The following FKBP15 variants were observed in gnomAD, a reference collection of about 807,000 sequenced individuals.
FKBP15 encodes the protein FK506-binding protein 15.
FKBP15 carries 106 observed loss-of-function variants against 158.1 expected under a neutral mutation model. That is an observed-to-expected ratio of 0.67 (90% CI 0.57 to 0.79). FKBP15 has a LOEUF of 0.79. Ranked by LOEUF, FKBP15 falls within the 30% of genes least tolerant of loss-of-function variation. The pLI is 0.00. For missense variants in FKBP15, 1,287 were observed against 1,479.1 expected (o/e 0.87, Z 2.13); for synonymous variants, 547 against 548.6 (o/e 1.00, Z 0.04).
intron 2 of FKBP15, among the ~76,000 whole-genome samples, chr9:113,207,936 C>T (rs895131559): frequency 6.6e-6 from 1 of 152,160 alleles, no homozygotes; most frequent in African/African-American, 2.4e-5. Context: ...TTTCTCCTTC[C>T]AGTATTTTGA....
intron 24 of FKBP15, 36 bp downstream of exon 24, chr9:113,171,545 T>A: frequency 6.3e-7 from 1 of 1,596,990 alleles, no homozygotes; most frequent in Non-Finnish European, 8.5e-7. Flanking sequence ...ATGCTTGATA[T>A]AAATGGCTTG....
At chr9:113,206,710 AAATTTTTTT>A in intron 3 of FKBP15, 132 bp from the exon 4 acceptor site, 2 of 526,736 alleles carry the variant, frequency 3.8e-6, no homozygotes, top group Non-Finnish European at 6.4e-6. Context: ...GAGCGGTTTA[AAATTTTTTT>A]TTTTTTTTTT....
At chr9:113,201,352 C>T (rs886863123) in intron 6 of FKBP15, among the ~76,000 whole-genome samples, 2 of 152,114 alleles carry the variant, frequency 1.3e-5, no homozygotes, top group Non-Finnish European at 2.9e-5. Context: ...ATGCTCACCA[C>T]GGTATCATTT....
rs1453496190 is a variant in FKBP15 at position 113,164,244 on chromosome 9, C to CCTGT, written c.*1830_*1833dup. ...TAGAACTGGTAGTACTCTTTATAAG[C>CCTGT]CTGTCTGAGGACAGAGTCCATCCAT... is the stretch of plus-strand genomic sequence containing the variant. On this transcript the variant is annotated 3_prime_UTR_variant, in exon 28 of 28. Coordinates refer to ENST00000238256, the MANE Select transcript of FKBP15 (RefSeq NM_015258.2). 6.6e-6 allele frequency: 1 copy of CCTGT among 151,836 alleles called. No homozygotes were observed. Among genetic ancestry groups the CCTGT allele is most frequent in the African/African-American group, 2.4e-5 (1 of 41,330 alleles). 9.4% of individuals were successfully genotyped at this position (151,836 alleles called of 1,614,324 possible).
rs75624182 is a variant in FKBP15 at position 113,166,116 on chromosome 9, C to T, written c.3622G>A (p.Asp1208Asn). ...GRPPPTPLFG[D>N]DDDDDDIDWL... Reference sequence around the variant, plus strand: ...TCAATGTCATCGTCATCATCATCATCTCCAAAAAGGGGCGTTGGGGGCGGG... The same window carrying T: ...TCAATGTCATCGTCATCATCATCATTTCCAAAAAGGGGCGTTGGGGGCGGG... Residue 1208 changes from aspartate to asparagine, a missense_variant, in exon 28 of 28, where the codon GAT becomes AAT. By Grantham distance (23) the Asp-to-Asn change is conservative (BLOSUM62 1). Coordinates refer to ENST00000238256, the MANE Select transcript of FKBP15 (RefSeq NM_015258.2). 434 of 1,613,762 alleles carry T rather than the reference C, an allele frequency of 2.7e-4. No individual in the cohort carries two copies. The highest frequency in any genetic ancestry group is 3.6e-4 in the Non-Finnish European group (423 of 1,179,804).
At chr9:113,212,378 G>A (rs1379612532) in intron 1 of FKBP15, among the ~76,000 whole-genome samples, 6 of 151,860 alleles carry the variant, frequency 4.0e-5, no homozygotes, top group Admixed American at 6.6e-5. Context: ...TAGTAGAGAC[G>A]GGGTTTCACC....
rs190341689 is a variant in FKBP15 at position 113,206,188 on chromosome 9, A to G, written c.324+321T>C. On this transcript the variant is annotated intron_variant, in intron 4 of 27. Transcript: ENST00000238256. Reference sequence around the variant, plus strand: ...TATATACATATGTATGTGTATATATATGTGTGTATTTGTGTATGTGTGTGT... The same window carrying G: ...TATATACATATGTATGTGTATATATGTGTGTGTATTTGTGTATGTGTGTGT... The G allele has an allele frequency of 9.6e-4, 336 of 350,550 alleles. 2 individuals are homozygous for G. Among genetic ancestry groups the G allele is most frequent in the South Asian group, 3.0e-3 (75 of 24,690 alleles). 21.7% of individuals were successfully genotyped at this position (350,550 alleles called of 1,614,324 possible). A position where few individuals can be genotyped will look rare whatever the true frequency, so the allele number is the denominator to read the frequency against.
chr9:113,193,246 A>G (rs16926672), intron 11 of FKBP15, among the ~76,000 whole-genome samples: 2,454 of 152,332 alleles, frequency 0.016, 75 homozygotes, highest in African/African-American at 0.056. Context: ...GATTTAGCCT[A>G]GAAACTTTTT....
At chr9:113,194,446 A>T (rs45438291) in intron 9 of FKBP15, among the ~76,000 whole-genome samples, 48,937 of 148,498 alleles carry the variant, frequency 0.33, 8,394 homozygotes, top group African/African-American at 0.38. Context: ...AATAATAAAT[A>T]AATTAAAAAA....
At chr9:113,166,633 G>C (rs763802603) in intron 27 of FKBP15, among the ~76,000 whole-genome samples, 41 of 152,208 alleles carry the variant, frequency 2.7e-4, no homozygotes, top group Non-Finnish European at 7.3e-5. Flanking sequence ...CTGGCTCTGG[G>C]TGTGATCCCA....
At chr9:113,218,261 C>A (rs879200363) in intron 1 of FKBP15, among the ~76,000 whole-genome samples, 8 of 151,878 alleles carry the variant, frequency 5.3e-5, no homozygotes, top group Admixed American at 3.3e-4. Flanking sequence ...GATTTCAGAT[C>A]CAGGCTCTAT....
At chr9:113,221,077 C>T in intron 1 of FKBP15, 114 bp downstream of exon 1, 3 of 1,174,816 alleles carry the variant, frequency 2.6e-6, no homozygotes, top group Non-Finnish European at 3.5e-6. Context: ...CGGAATGTGG[C>T]AAGGGTCTCC....
Position 113,201,004 on chromosome 9 carries a change from A to G in FKBP15, c.499-1041T>C, listed in dbSNP as rs951084666. On this transcript the variant is annotated intron_variant, in intron 6 of 27. Transcript: ENST00000238256. ...GGTTGCAGTGAGCCGAGATGGCACC[A>G]CTGCACTCCAGCCTGGCGACAGAGC... is the stretch of plus-strand genomic sequence containing the variant. 3.6e-4 allele frequency among the ~76,000 whole-genome samples: 54 copies of G among 149,174 alleles called. 1 individual carries two copies. The highest frequency in any genetic ancestry group is 6.8e-5 in the Admixed American group (1 of 14,790).
intron 14 of FKBP15, chr9:113,186,675 G>A (rs929439045): frequency 5.0e-5 from 11 of 218,346 alleles, no homozygotes; most frequent in African/African-American, 2.2e-4. Flanking sequence ...TATTGTCTAA[G>A]AAGTTTTTAG....
At chr9:113,179,330 T>C (rs573882972) in intron 19 of FKBP15, among the ~76,000 whole-genome samples, 103 of 152,322 alleles carry the variant, frequency 6.8e-4, no homozygotes, top group African/African-American at 2.2e-4. Context: ...ATCGGTTTTA[T>C]AGATTGCATT....
chr9:113,168,871 T>C (rs1395279759), intron 26 of FKBP15, among the ~76,000 whole-genome samples: 2 of 152,226 alleles, frequency 1.3e-5, no homozygotes, highest in Admixed American at 6.5e-5. Context: ...AAAGGACTTA[T>C]CATACTTTAT....
At chr9:113,213,472 G>C (rs955673354) in intron 1 of FKBP15, among the ~76,000 whole-genome samples, 1 of 151,922 alleles carries the variant, frequency 6.6e-6, no homozygotes, top group African/African-American at 2.4e-5. Context: ...GGCTTGAGAG[G>C]CTGAGGCAGG....
At chr9:113,208,365 G>A (rs1255685688) in intron 2 of FKBP15, among the ~76,000 whole-genome samples, 2 of 151,874 alleles carry the variant, frequency 1.3e-5, no homozygotes, top group African/African-American at 4.8e-5. Flanking sequence ...ACAAAAAAAA[G>A]GGACTACAGA....
At chr9:113,172,040 G>A (rs1410628515) in intron 23 of FKBP15, among the ~76,000 whole-genome samples, 3 of 101,668 alleles carry the variant, frequency 3.0e-5, no homozygotes, top group Admixed American at 2.6e-4. Context: ...GATGTTCCCC[G>A]CCCTGTGTCC....
Sources: gnomAD v4.1 joint callset for allele counts (sites outside exome capture counted in the v4.1 genomes callset) on GRCh38, gnomAD v4.1.1 for gene constraint, MANE v1.5 for transcripts, NCBI Gene and HGNC (gene_info 2026-07-23, HGNC 2026-07-21) for gene names.